Variants in FAM81A observed in about 807,000 individuals in gnomAD.
FAM81A encodes the protein family with sequence similarity 81 member A.
A neutral mutation model predicts 46.7 loss-of-function variants in FAM81A; 19 were observed. The observed-to-expected ratio is 0.41, with a 90% CI of 0.28 to 0.60. The LOEUF (loss-of-function observed/expected upper bound fraction) is 0.60. Among genes scored for constraint, FAM81A ranks in the 20% least tolerant of loss-of-function variants. FAM81A has a pLI of 0.34. For missense variants in FAM81A, 377 were observed against 453.5 expected, an observed-to-expected ratio of 0.83 and a Z score of 1.53; for synonymous variants, 183 against 152.9, an observed-to-expected ratio of 1.20 and a Z score of -1.45.
intron 3 of FAM81A, among the ~76,000 whole-genome samples, chr15:59,477,119 CAAA>C (rs75168770): frequency 9.4e-6 from 1 of 106,874 alleles, no homozygotes; most frequent in Non-Finnish European, 2.0e-5. Context: ...GACTCTGACT[CAAA>C]AAAAAAAAAA....
chr15:59,421,166 C>A (rs1387081646), intron 2 of FAM81A, among the ~76,000 whole-genome samples: 1 of 152,162 alleles, frequency 6.6e-6, no homozygotes, highest in Non-Finnish European at 1.5e-5. Context: ...GGTTGGGACC[C>A]TTGAACTCTG....
intron 4 of FAM81A, among the ~76,000 whole-genome samples, chr15:59,505,623 C>T (rs1441278143): frequency 6.6e-6 from 1 of 152,046 alleles, no homozygotes; most frequent in Non-Finnish European, 1.5e-5. Flanking sequence ...GTACACCTCA[C>T]ATCTGCAGTT....
intron 2 of FAM81A, among the ~76,000 whole-genome samples, chr15:59,425,859 A>G (rs1191492171): frequency 6.6e-5 from 10 of 152,216 alleles, no homozygotes; most frequent in African/African-American, 2.2e-4. Flanking sequence ...TCCTGGCCTC[A>G]GGCGATCCTC....
At chr15:59,432,325 A>G (rs2081224057) in intron 2 of FAM81A, among the ~76,000 whole-genome samples, 1 of 152,278 alleles carries the variant, frequency 6.6e-6, no homozygotes, top group South Asian at 2.1e-4. Context: ...TGAAGGTGTA[A>G]GAAATCAGAG....
intron 6 of FAM81A, among the ~76,000 whole-genome samples, chr15:59,514,078 A>G (rs1308909519): frequency 1.3e-5 from 2 of 148,348 alleles, no homozygotes; most frequent in African/African-American, 5.0e-5. Flanking sequence ...GCTTGGGGGC[A>G]TGGGGGGGGC....
intron 3 of FAM81A, among the ~76,000 whole-genome samples, chr15:59,491,668 T>C (rs1385498740): frequency 6.6e-6 from 1 of 152,122 alleles, no homozygotes; most frequent in Non-Finnish European, 1.5e-5. Context: ...TGTATCAAAA[T>C]AGCCCATGGC....
intron 8 of FAM81A, among the ~76,000 whole-genome samples, chr15:59,518,941 G>C (rs951887143): frequency 4.4e-4 from 50 of 112,892 alleles, no homozygotes; most frequent in African/African-American, 1.4e-3. Context: ...GTGTGTGTGT[G>C]TCTGTGTGTG....
intron 5 of FAM81A, among the ~76,000 whole-genome samples, 186 bp downstream of exon 5, chr15:59,507,528 G>T (rs1178218339): frequency 6.6e-6 from 1 of 151,996 alleles, no homozygotes; most frequent in Non-Finnish European, 1.5e-5. Flanking sequence ...CATGTGTCTG[G>T]CAACCAAACC....
At chr15:59,507,100 G>A (rs1183262879) in intron 4 of FAM81A, 113 bp from the exon 5 acceptor site, 13 of 1,336,888 alleles carry the variant, frequency 9.7e-6, no homozygotes, top group African/African-American at 1.5e-5. Context: ...TCAAAAGAAT[G>A]ATGGATAGTG....
intron 3 of FAM81A, among the ~76,000 whole-genome samples, chr15:59,478,872 A>G (rs1247839467): frequency 6.6e-6 from 1 of 152,224 alleles, no homozygotes; most frequent in Non-Finnish European, 1.5e-5. Flanking sequence ...GGAACCAGAG[A>G]TTGATAACAG....
intron 2 of FAM81A, among the ~76,000 whole-genome samples, chr15:59,404,922 C>G (rs1404727906): frequency 5.9e-5 from 9 of 152,228 alleles, no homozygotes; most frequent in Non-Finnish European, 1.0e-4. Flanking sequence ...AAATAATCTC[C>G]TACCACCCTG....
intron 4 of FAM81A, among the ~76,000 whole-genome samples, chr15:59,506,175 A>G (rs1207252083): frequency 1.3e-5 from 2 of 151,850 alleles, no homozygotes; most frequent in Non-Finnish European, 2.9e-5. Context: ...TTTGTTTTGT[A>G]TTATCGTTTT....
chr15:59,491,720 G>A lies in FAM81A; in HGVS notation c.295-551G>A, dbSNP rs542844515. 3.3e-5 allele frequency among the ~76,000 whole-genome samples: 5 copies of A among 152,254 alleles called. No individual in the cohort carries two copies. The South Asian group carries it at 8.3e-4, about 25-fold the overall frequency. On this transcript the variant is annotated intron_variant, in intron 3 of 8. Transcript: ENST00000288228. Reference sequence around the variant, plus strand: ...AGCACTTTGGGAGGCCAAGGTGTGCGTGTCACCTGATGTCAGGAATTCAAG... The same window carrying A: ...AGCACTTTGGGAGGCCAAGGTGTGCATGTCACCTGATGTCAGGAATTCAAG...
chr15:59,440,634 C>G (rs1252239317), intron 1 of FAM81A, among the ~76,000 whole-genome samples: 1 of 152,150 alleles, frequency 6.6e-6, no homozygotes, highest in Admixed American at 6.5e-5. Context: ...CAAGACTAAA[C>G]CTTTGAGATC....
intron 5 of FAM81A, among the ~76,000 whole-genome samples, 168 bp downstream of exon 5, chr15:59,507,510 T>C (rs1596540888): frequency 1.3e-5 from 2 of 152,256 alleles, no homozygotes; most frequent in East Asian, 3.9e-4. Flanking sequence ...TTCACTAGAG[T>C]GGCCCTTCAT....
chr15:59,435,668 C>T (rs1217911919), upstream of FAM81A, among the ~76,000 whole-genome samples: 4 of 152,138 alleles, frequency 2.6e-5, no homozygotes, highest in Non-Finnish European at 5.9e-5. Flanking sequence ...GCATAATATA[C>T]TGAACAAATT....
chr15:59,481,432 T>G (rs2081849539), intron 3 of FAM81A, among the ~76,000 whole-genome samples: 1 of 152,042 alleles, frequency 6.6e-6, no homozygotes, highest in East Asian at 1.9e-4. Flanking sequence ...TGTCCATTGT[T>G]GGACATACAA....
chr15:59,475,067 A>G (rs1220933706), intron 3 of FAM81A, among the ~76,000 whole-genome samples: 3 of 152,222 alleles, frequency 2.0e-5, no homozygotes, highest in South Asian at 2.1e-4. Flanking sequence ...AATTGCTTCA[A>G]TAATCAGCTG....
At chr15:59,415,319 C>A (rs2081141849) in intron 2 of FAM81A, among the ~76,000 whole-genome samples, 1 of 150,574 alleles carries the variant, frequency 6.6e-6, no homozygotes, top group East Asian at 2.0e-4. Context: ...GGGGTTTCAC[C>A]ATGTTGGCCA....
Sources: allele counts gnomAD v4.1 joint callset (sites outside exome capture counted in the v4.1 genomes callset), GRCh38; gene constraint gnomAD v4.1.1; transcripts MANE v1.5; gene names NCBI Gene and HGNC (gene_info 2026-07-23, HGNC 2026-07-21).